EXT2: variants seen among roughly 807,000 people sequenced by gnomAD.
EXT2 encodes the protein exostosin-2.
In EXT2, 53 loss-of-function variants were observed where a neutral mutation model predicts 81.6. The observed-to-expected ratio is 0.65, with a 90% CI of 0.52 to 0.82. The LOEUF is 0.82. Ranked by LOEUF, EXT2 falls within the 40% of genes least tolerant of loss-of-function variation. The probability of loss-of-function intolerance (pLI) is 0.00; values close to 1 mark genes in which losing one functional copy is unlikely to be tolerated. For synonymous variants in EXT2, 320 were observed against 340.0 expected (o/e 0.94, Z 0.65); for missense variants, 774 against 910.2 (o/e 0.85, Z 1.93).
At chr11:44,233,324 A>G (rs75937508) in intron 11 of EXT2, among the ~76,000 whole-genome samples, 2,056 of 152,290 alleles carry the variant, frequency 0.014, 42 homozygotes, top group African/African-American at 0.045. Context: ...AAAAGAAATG[A>G]GCAATTTTGA....
At chr11:44,199,924 T>C (rs1024150202) in intron 9 of EXT2, among the ~76,000 whole-genome samples, 2 of 152,200 alleles carry the variant, frequency 1.3e-5, no homozygotes, top group African/African-American at 2.4e-5. Context: ...CCTTAACTGA[T>C]GAGGCCCTAA....
intron 11 of EXT2, among the ~76,000 whole-genome samples, chr11:44,232,883 A>G (rs1048592068): frequency 6.6e-6 from 1 of 152,164 alleles, no homozygotes; most frequent in Non-Finnish European, 1.5e-5. Context: ...TTCTTCATAA[A>G]CAGTTACTTG....
chr11:44,244,308 C>T lies in EXT2; in HGVS notation c.*21C>T. 6.2e-7 allele frequency: 1 copy of T among 1,613,696 alleles called. No homozygotes were observed. Among genetic ancestry groups the T allele is most frequent in the Non-Finnish European group, 8.5e-7 (1 of 1,179,714 alleles). ...TATGAAACGTGTCATTGGTGGAGGTCTGAATGTGAGGCTGGGACAGAGGGA... is the reference window on the plus strand; with the variant it reads ...TATGAAACGTGTCATTGGTGGAGGTTTGAATGTGAGGCTGGGACAGAGGGA... On this transcript the variant is annotated 3_prime_UTR_variant, in exon 14 of 14. Coordinates refer to ENST00000533608, the MANE Select transcript of EXT2 (RefSeq NM_207122.2).
rs146410322 is a variant in EXT2 at position 44,146,524 on chromosome 11, G to C, written c.1173+16386G>C. Among the ~76,000 whole-genome samples the C allele has an allele frequency of 2.6e-3, 396 of 152,296 alleles. 2 individuals are homozygous for C. Among genetic ancestry groups the C allele is most frequent in the African/African-American group, 9.2e-3 (384 of 41,552 alleles). ...GCCAGACGGGATAGGAGCCAGTGAAGAGGGGCGCTTTCACTACCACCTCAT... is the reference window on the plus strand; with the variant it reads ...GCCAGACGGGATAGGAGCCAGTGAACAGGGGCGCTTTCACTACCACCTCAT... On this transcript the variant is annotated intron_variant, in intron 7 of 13. Transcript: ENST00000533608.
intron 9 of EXT2, 114 bp downstream of exon 9, chr11:44,198,132 A>T (rs1181794839): frequency 9.5e-6 from 10 of 1,057,066 alleles, no homozygotes; most frequent in Non-Finnish European, 1.3e-5. Flanking sequence ...CATTTCTGAG[A>T]CAGCATGCCT....
intron 8 of EXT2, among the ~76,000 whole-genome samples, chr11:44,173,081 G>A (rs1246225303): frequency 2.0e-5 from 3 of 152,204 alleles, no homozygotes; most frequent in African/African-American, 7.2e-5. Flanking sequence ...GCTCTCCGCT[G>A]ATTTGGGAAG....
At chr11:44,186,595 A>T (rs139713986) in intron 8 of EXT2, among the ~76,000 whole-genome samples, 2 of 152,372 alleles carry the variant, frequency 1.3e-5, no homozygotes, top group Middle Eastern at 3.4e-3. Flanking sequence ...TCAGTGCTAT[A>T]TGAAGAAAAA....
At chr11:44,130,203 A>AGAGG in intron 7 of EXT2, 65 bp downstream of exon 7, 1 of 1,296,056 alleles carries the variant, frequency 7.7e-7, no homozygotes, top group Non-Finnish European at 1.1e-6. Context: ...GACTGGATAC[A>AGAGG]GAGGGACAGG....
intron 4 of EXT2, among the ~76,000 whole-genome samples, chr11:44,119,671 C>A (rs756257920): frequency 1.8e-4 from 27 of 152,222 alleles, no homozygotes; most frequent in Non-Finnish European, 2.8e-4. Flanking sequence ...ATGATGGGAA[C>A]CCTCTCCAAA....
intron 7 of EXT2, chr11:44,144,355 A>G: frequency 2.5e-6 from 4 of 1,589,686 alleles, no homozygotes; most frequent in African/African-American, 1.3e-5. Flanking sequence ...GGTGACTTAG[A>G]AAACCGGGCC....
intron 7 of EXT2, 94 bp from the exon 8 acceptor site, chr11:44,171,517 G>A (rs1422762793): frequency 1.3e-6 from 2 of 1,592,910 alleles, no homozygotes; most frequent in South Asian, 1.1e-5. Context: ...GGGAATAAAG[G>A]AATTAGCCTA....
In EXT2 at chr11:44,114,259, G is replaced by C. The variant is rs1386194225; in HGVS notation, c.701G>C (p.Ser234Thr). The C allele has an allele frequency of 6.2e-7, 1 of 1,614,066 alleles. No homozygotes were observed. The highest frequency in any genetic ancestry group is 8.5e-7 in the Non-Finnish European group (1 of 1,179,978). ...QGYDVSIPVYSPLSAEVDLPE... is the reference protein window; with the variant it reads ...QGYDVSIPVYTPLSAEVDLPE... ...TACGATGTCAGCATTCCTGTCTATA[G>C]TCCACTGTCAGCTGAGGTGGATCTT... Residue 234 changes from serine (S) to threonine (T), a missense_variant, in exon 4 of 14, where the codon AGT (serine) becomes ACT (threonine). Coordinates refer to ENST00000533608, the MANE Select transcript of EXT2 (RefSeq NM_207122.2).
At position 44,220,521 on chromosome 11, in the gene EXT2, G is replaced by A. The variant is rs1447925916; in HGVS notation, c.1663-11832G>A. Among the ~76,000 whole-genome samples the A allele has an allele frequency of 1.3e-5, 2 of 152,188 alleles. No homozygotes were observed. The highest frequency in any genetic ancestry group is 4.8e-5 in the African/African-American group (2 of 41,454). ...TGGGCCACAAACAGCTCATTTCTGTGAGTGTTCCCACCTGTCAGGTACAGT... is the reference window on the plus strand; with the variant it reads ...TGGGCCACAAACAGCTCATTTCTGTAAGTGTTCCCACCTGTCAGGTACAGT... On this transcript the variant is annotated intron_variant, in intron 10 of 13. Coordinates refer to ENST00000533608, the MANE Select transcript of EXT2 (RefSeq NM_207122.2). The surrounding 1 kb of genome is among the most constrained non-coding windows in gnomAD (Gnocchi z 4.4).
intron 13 of EXT2, among the ~76,000 whole-genome samples, chr11:44,243,357 G>T (rs1956058732): frequency 6.6e-6 from 1 of 152,178 alleles, no homozygotes; most frequent in Non-Finnish European, 1.5e-5. Context: ...TGACTTTGGG[G>T]GTGAGGTGGA....
intron 8 of EXT2, 112 bp downstream of exon 8, chr11:44,171,854 G>A (rs1955079699): frequency 1.3e-6 from 2 of 1,523,648 alleles, no homozygotes; most frequent in East Asian, 2.3e-5. Context: ...TTTCTAAGAT[G>A]AGAGTGTGCT....
At chr11:44,155,802 G>A (rs1024691465) in intron 7 of EXT2, among the ~76,000 whole-genome samples, 3 of 152,118 alleles carry the variant, frequency 2.0e-5, no homozygotes, top group African/African-American at 7.2e-5. Flanking sequence ...AATATTCTGT[G>A]TGTGTCTGTG....
intron 12 of EXT2, among the ~76,000 whole-genome samples, chr11:44,235,956 C>T (rs1449746369): frequency 6.6e-6 from 1 of 152,232 alleles, no homozygotes; most frequent in Non-Finnish European, 1.5e-5. Context: ...TGTATTTCAT[C>T]GCCCTTATGG....
chr11:44,117,416 G>A (rs531920174), intron 4 of EXT2, among the ~76,000 whole-genome samples: 11 of 152,236 alleles, frequency 7.2e-5, no homozygotes, highest in East Asian at 1.9e-4. Context: ...TTACCCTTAC[G>A]TTTTCTTCTA....
chr11:44,110,034 C>T (rs577695146), intron 3 of EXT2, among the ~76,000 whole-genome samples: 2 of 152,248 alleles, frequency 1.3e-5, no homozygotes, highest in East Asian at 1.9e-4. Context: ...ATAAGCGTCG[C>T]GGGCAATGCT....
Sources: allele counts gnomAD v4.1 joint callset (sites outside exome capture counted in the v4.1 genomes callset), GRCh38; gene constraint gnomAD v4.1.1; non-coding constraint Gnocchi (gnomAD v3.1); transcripts MANE v1.5; gene names NCBI Gene and HGNC (gene_info 2026-07-23, HGNC 2026-07-21).